Variants in NLGN4Y observed in about 807,000 individuals in gnomAD.
The protein encoded by NLGN4Y is neuroligin-4, Y-linked.
Under a neutral mutation model 8.4 loss-of-function variants are expected in NLGN4Y, and 4 were observed. That is an observed-to-expected ratio of 0.48 (90% confidence interval 0.23 to 1.09). The LOEUF (loss-of-function observed/expected upper bound fraction) is 1.09, where lower values mean the gene tolerates loss of function less well. Among genes scored for constraint, NLGN4Y ranks in the 50% least tolerant of loss-of-function variants. The pLI is 0.19. For missense variants in NLGN4Y, 90 were observed against 192.3 expected (o/e 0.47, Z 3.15); for synonymous variants, 35 against 75.6 (o/e 0.46, Z 2.78).
At chrY:14,788,962 CTTTT>C in intron 4 of NLGN4Y, among the ~76,000 whole-genome samples, 55 of 27,276 alleles carry the variant, frequency 2.0e-3, no homozygotes, top group Non-Finnish European at 4.4e-3. Context: ...CATGCCCTTT[CTTTT>C]TTTTTTTTTC....
At chrY:14,756,711 C>G (rs989361829) in intron 4 of NLGN4Y, among the ~76,000 whole-genome samples, 3 of 26,065 alleles carry the variant, frequency 1.2e-4, no homozygotes, top group Non-Finnish European at 2.6e-4. Flanking sequence ...CACCATTGCA[C>G]TCCATCCCAG....
rs367781893 is a variant in NLGN4Y at position 14,668,929 on chromosome Y, G to A, written c.472+46338G>A. ...AAGAGGAAATCCACCCCTATTATCCGGACACCTGCCACCAGGTCATTCCCC... is the reference window on the plus strand; with the variant it reads ...AAGAGGAAATCCACCCCTATTATCCAGACACCTGCCACCAGGTCATTCCCC... On this transcript the variant is annotated intron_variant, in intron 2 of 6. Coordinates refer to ENST00000684976, the MANE Select transcript of NLGN4Y (RefSeq NM_001365588.1). 4.6e-3 allele frequency among the ~76,000 whole-genome samples: 145 copies of A among 31,868 alleles called. No individual in the cohort carries two copies. The East Asian group carries it at 0.068, about 15-fold the overall frequency. The allele number at this position is 31,868 out of a possible 37,273, so 85.5% of individuals were successfully genotyped here.
chrY:14,757,877 G>C, intron 4 of NLGN4Y, among the ~76,000 whole-genome samples: 1 of 34,766 alleles, frequency 2.9e-5, no homozygotes, highest in African/African-American at 1.1e-4. Flanking sequence ...ACTGCACCCA[G>C]TTTCCCAACG....
chrY:14,599,822 C>A (rs2080420338), intron 1 of NLGN4Y, among the ~76,000 whole-genome samples: 3 of 32,890 alleles, frequency 9.1e-5, no homozygotes, highest in Non-Finnish European at 1.5e-4. Flanking sequence ...AACAGATGAT[C>A]AGCATCATAC....
At chrY:14,626,002 A>G (rs2080526188) in intron 2 of NLGN4Y, among the ~76,000 whole-genome samples, 1 of 33,683 alleles carries the variant, frequency 3.0e-5, no homozygotes, top group Non-Finnish European at 7.4e-5. Flanking sequence ...AGTGATTTAC[A>G]CCTGTGCTTT....
At chrY:14,816,691 A>G (rs2043103389) in intron 4 of NLGN4Y, among the ~76,000 whole-genome samples, 1 of 33,642 alleles carries the variant, frequency 3.0e-5, no homozygotes, top group East Asian at 8.0e-4. Flanking sequence ...CTGCCCCTTC[A>G]TCTCCCATTC....
At chrY:14,701,197 A>G (rs1603502835) in intron 2 of NLGN4Y, among the ~76,000 whole-genome samples, 3 of 14,145 alleles carry the variant, frequency 2.1e-4, no homozygotes, top group Non-Finnish European at 3.2e-4. Flanking sequence ...ATGCACACGC[A>G]CACACACACA....
intron 2 of NLGN4Y, among the ~76,000 whole-genome samples, chrY:14,633,095 A>G: frequency 3.0e-5 from 1 of 33,852 alleles, no homozygotes; most frequent in South Asian, 6.5e-4. Flanking sequence ...AGAATATAAT[A>G]AAAATCAAAT....
intron 2 of NLGN4Y, among the ~76,000 whole-genome samples, chrY:14,674,185 TA>T (rs2080738465): frequency 1.7e-3 from 31 of 18,610 alleles, no homozygotes; most frequent in South Asian, 6.5e-3. Context: ...TAAACTATAA[TA>T]AAAAAAAATG....
chrY:14,812,539 T>G (rs2043085059), intron 4 of NLGN4Y, among the ~76,000 whole-genome samples: 1 of 33,164 alleles, frequency 3.0e-5, no homozygotes, highest in African/African-American at 1.2e-4. Flanking sequence ...CTAAAGGACC[T>G]GTCGATGAAG....
rs931564708 is a variant in NLGN4Y at position 14,579,263 on chromosome Y, A to G, written c.-111-42746A>G. Among the ~76,000 whole-genome samples, 6 of 34,247 alleles carry G rather than the reference A, an allele frequency of 1.8e-4. No homozygotes were observed. In the East Asian group the frequency reaches 4.7e-3, roughly 27 times the overall value. 91.9% of individuals were successfully genotyped at this position (34,247 alleles called of 37,273 possible). ...GGCTTTAGTCCAGAAAAATTGAACA[A>G]TATACACACAGACAAGCATGAAATG... On this transcript the variant is annotated intron_variant, in intron 1 of 6. Transcript: ENST00000684976.
chrY:14,747,203 G>A lies in NLGN4Y; in HGVS notation c.685+23934G>A, dbSNP rs763213947. Among the ~76,000 whole-genome samples the A allele has an allele frequency of 1.5e-4, 5 of 32,592 alleles. No homozygotes were observed. In the East Asian group the frequency reaches 4.1e-3, roughly 27 times the overall value. The allele number at this position is 32,592 out of a possible 37,273, so 87.4% of individuals were successfully genotyped here. On this transcript the variant is annotated intron_variant, in intron 4 of 6. Coordinates refer to ENST00000684976, the MANE Select transcript of NLGN4Y (RefSeq NM_001365588.1). The stretch of plus-strand genomic sequence containing the variant: ...TGAAATTTGATCCCCACTCTTAGAG[G>A]TGGGACTTGGTGGGAGGCATTTCTG...
chrY:14,567,025 C>G, intron 1 of NLGN4Y, among the ~76,000 whole-genome samples: 1 of 33,185 alleles, frequency 3.0e-5, no homozygotes, highest in Non-Finnish European at 7.4e-5. Context: ...TGAATGTCTT[C>G]TATAATTTTG....
chrY:14,597,901 T>C, intron 1 of NLGN4Y, among the ~76,000 whole-genome samples: 2 of 26,354 alleles, frequency 7.6e-5, no homozygotes, highest in Non-Finnish European at 1.9e-4. Context: ...AGAGTTTCGA[T>C]TGGTGCACTC....
intron 2 of NLGN4Y, among the ~76,000 whole-genome samples, chrY:14,713,427 T>A: frequency 2.9e-5 from 1 of 33,950 alleles, no homozygotes; most frequent in Admixed American, 2.7e-4. Context: ...GATGTTAATT[T>A]TGCTTTTACA....
At chrY:14,757,275 C>G (rs2081064420) in intron 4 of NLGN4Y, among the ~76,000 whole-genome samples, 1 of 32,497 alleles carries the variant, frequency 3.1e-5, no homozygotes, top group African/African-American at 1.2e-4. Context: ...TAATCCATGG[C>G]TAAACCAATG....
intron 2 of NLGN4Y, among the ~76,000 whole-genome samples, chrY:14,696,414 T>C (rs763982473): frequency 6.1e-5 from 2 of 32,791 alleles, no homozygotes; most frequent in East Asian, 1.7e-3. Context: ...TCAGGGTTGG[T>C]TTCTTCTGCA....
chrY:14,705,617 A>T (rs2080874160), intron 2 of NLGN4Y, among the ~76,000 whole-genome samples: 1 of 33,733 alleles, frequency 3.0e-5, no homozygotes, highest in Non-Finnish European at 7.4e-5. Context: ...TGTCAGGCAT[A>T]TGGCAGTTCT....
intron 4 of NLGN4Y, among the ~76,000 whole-genome samples, chrY:14,740,581 A>G (rs2081003143): frequency 3.0e-5 from 1 of 33,686 alleles, no homozygotes; most frequent in Non-Finnish European, 7.3e-5. Context: ...GCTAACCAGC[A>G]ATAATAATGC....
Sources: allele counts gnomAD v4.1 joint callset (sites outside exome capture counted in the v4.1 genomes callset), GRCh38; gene constraint gnomAD v4.1.1; transcripts MANE v1.5; gene names NCBI Gene and HGNC (gene_info 2026-07-23, HGNC 2026-07-21).